ATRNL1: variants seen among roughly 807,000 people sequenced by gnomAD.
The protein encoded by ATRNL1 is attractin like 1.
ATRNL1 carries 95 observed loss-of-function variants against 182.7 expected under a neutral mutation model. That is an observed-to-expected ratio of 0.52 (90% CI 0.44 to 0.62). The LOEUF is 0.62. Ranked by LOEUF, ATRNL1 falls within the 20% of genes least tolerant of loss-of-function variation. The pLI is 0.00. For synonymous variants in ATRNL1, 576 were observed against 568.3 expected (o/e 1.01, Z -0.19); for missense variants, 1,471 against 1,679.5 (o/e 0.88, Z 2.17).
intron 25 of ATRNL1, among the ~76,000 whole-genome samples, chr10:115,535,971 T>A (rs1461154817): frequency 2.0e-5 from 3 of 150,976 alleles, no homozygotes; most frequent in Non-Finnish European, 4.4e-5. Flanking sequence ...CTCTGGAAGT[T>A]TTGTCTCAGA....
intron 27 of ATRNL1, among the ~76,000 whole-genome samples, chr10:115,843,508 C>T (rs1171378508): frequency 3.3e-5 from 5 of 152,000 alleles, no homozygotes; most frequent in African/African-American, 9.7e-5. Flanking sequence ...CTTTGAGGGA[C>T]GCATAAGATC....
chr10:115,644,912 T>A (rs1215913081), intron 26 of ATRNL1, among the ~76,000 whole-genome samples: 1 of 152,162 alleles, frequency 6.6e-6, no homozygotes, highest in Non-Finnish European at 1.5e-5. Flanking sequence ...ATTCTCAAAA[T>A]GTGCTTTGCA....
At chr10:115,502,602 C>A (rs1849901757) in intron 24 of ATRNL1, among the ~76,000 whole-genome samples, 1 of 151,946 alleles carries the variant, frequency 6.6e-6, no homozygotes, top group African/African-American at 2.4e-5. Flanking sequence ...GATATAACTT[C>A]CATAATCCTC....
chr10:115,896,169 A>G (rs1952202751), intron 28 of ATRNL1, among the ~76,000 whole-genome samples: 1 of 152,218 alleles, frequency 6.6e-6, no homozygotes, highest in African/African-American at 2.4e-5. Context: ...TGCCCATTCT[A>G]TAAAGATTCA....
chr10:115,629,974 C>T (rs1858372610), intron 26 of ATRNL1, among the ~76,000 whole-genome samples: 1 of 152,086 alleles, frequency 6.6e-6, no homozygotes, highest in Admixed American at 6.6e-5. Flanking sequence ...TTTCTCTCAA[C>T]TTATAGGTTC....
intron 27 of ATRNL1, among the ~76,000 whole-genome samples, chr10:115,764,936 A>C (rs577979887): frequency 6.6e-6 from 1 of 152,292 alleles, no homozygotes; most frequent in East Asian, 1.9e-4. Flanking sequence ...GGCCTCCCAA[A>C]TCGCTGGGAT....
At position 115,187,670 on chromosome 10, in the gene ATRNL1, G is replaced by GTT. The variant is rs557762991; in HGVS notation, c.1348+16397_1348+16398dup. 1.3e-3 allele frequency among the ~76,000 whole-genome samples: 146 copies of GTT among 111,804 alleles called. 1 individual carries two copies. Among genetic ancestry groups the GTT allele is most frequent in the Admixed American group, 1.7e-3 (17 of 10,272 alleles). The allele number at this position is 111,804 out of a possible 152,430, so 73.3% of individuals were successfully genotyped here. ...ATGTATAATAGAAAGAGGGTGCTTG[G>GTT]TTTTTTTTTTTTTTTTTTTTCTTTT... is the stretch of plus-strand genomic sequence containing the variant. On this transcript the variant is annotated intron_variant, in intron 8 of 28. Transcript: ENST00000355044.
chr10:115,693,341 G>T (rs551806248), intron 26 of ATRNL1, among the ~76,000 whole-genome samples: 9 of 152,036 alleles, frequency 5.9e-5, no homozygotes, highest in Non-Finnish European at 1.2e-4. Context: ...TTTCATGTAC[G>T]CAAATATTGG....
chr10:115,852,536 C>T (rs782502788), intron 28 of ATRNL1, among the ~76,000 whole-genome samples: 11 of 151,924 alleles, frequency 7.2e-5, no homozygotes, highest in Non-Finnish European at 1.6e-4. Context: ...GATGATTATC[C>T]CACTTTTACT....
chr10:115,502,073 G>A (rs959035256), intron 24 of ATRNL1, among the ~76,000 whole-genome samples: 4 of 151,928 alleles, frequency 2.6e-5, no homozygotes, highest in African/African-American at 4.8e-5. Flanking sequence ...TTATGTCTGT[G>A]GCACACAATA....
Position 115,798,619 on chromosome 10 carries a change from C to A in ATRNL1, c.3904-49258C>A, listed in dbSNP as rs556068237. Among the ~76,000 whole-genome samples, 33 of 152,308 alleles carry A rather than the reference C, an allele frequency of 2.2e-4. No homozygotes were observed. In the South Asian group the frequency reaches 6.6e-3, roughly 31 times the overall value. ...ACCATCACCTGCTCATCTACACCTCCATGCCTTTGCTCATCCTGGAGGATA... is the reference window on the plus strand; with the variant it reads ...ACCATCACCTGCTCATCTACACCTCAATGCCTTTGCTCATCCTGGAGGATA... On this transcript the variant is annotated intron_variant, in intron 27 of 28. Coordinates refer to ENST00000355044, the MANE Select transcript of ATRNL1 (RefSeq NM_207303.4).
chr10:115,482,048 A>G (rs1848795223), intron 24 of ATRNL1, among the ~76,000 whole-genome samples: 1 of 151,082 alleles, frequency 6.6e-6, no homozygotes, highest in Non-Finnish European at 1.5e-5. Context: ...TATATTTACA[A>G]TAATGGATCA....
At chr10:115,807,704 A>G (rs1484309403) in intron 27 of ATRNL1, among the ~76,000 whole-genome samples, 2 of 152,210 alleles carry the variant, frequency 1.3e-5, no homozygotes, top group Non-Finnish European at 2.9e-5. Flanking sequence ...ACTGAAATAA[A>G]GATATAATAC....
chr10:115,489,862 C>T (rs552813736), intron 24 of ATRNL1, among the ~76,000 whole-genome samples: 12 of 152,238 alleles, frequency 7.9e-5, no homozygotes, highest in Non-Finnish European at 1.3e-4. Context: ...GTGGCCGGTA[C>T]CAGTCATTCC....
At chr10:115,199,358 A>T (rs1848473027) in intron 8 of ATRNL1, among the ~76,000 whole-genome samples, 1 of 152,050 alleles carries the variant, frequency 6.6e-6, no homozygotes, top group Non-Finnish European at 1.5e-5. Flanking sequence ...CAAGGTCAAG[A>T]GATCGAGACC....
At chr10:115,182,882 T>C (rs1234797135) in intron 8 of ATRNL1, among the ~76,000 whole-genome samples, 1 of 151,464 alleles carries the variant, frequency 6.6e-6, no homozygotes, top group Admixed American at 6.6e-5. Context: ...TCAGTCATTA[T>C]TGTCAATACA....
At chr10:115,303,580 A>AT (rs1244077899) in intron 17 of ATRNL1, among the ~76,000 whole-genome samples, 2 of 152,176 alleles carry the variant, frequency 1.3e-5, no homozygotes, top group Non-Finnish European at 2.9e-5. Flanking sequence ...AATATCAGTT[A>AT]TTTGGTAAAG....
chr10:115,443,477 T>A, intron 21 of ATRNL1, among the ~76,000 whole-genome samples: 1 of 146,472 alleles, frequency 6.8e-6, no homozygotes, highest in East Asian at 1.9e-4. Context: ...ATTATTCATA[T>A]CTGAATCTAT....
chr10:115,800,488 T>C (rs1593233920), intron 27 of ATRNL1, among the ~76,000 whole-genome samples: 1 of 152,250 alleles, frequency 6.6e-6, no homozygotes, highest in Admixed American at 6.5e-5. Context: ...GTAAATGAAG[T>C]ATGTTACCAT....
Sources: gnomAD v4.1 joint callset for allele counts (sites outside exome capture counted in the v4.1 genomes callset) on GRCh38, gnomAD v4.1.1 for gene constraint, MANE v1.5 for transcripts, NCBI Gene and HGNC (gene_info 2026-07-23, HGNC 2026-07-21) for gene names.